Variants in RMDN2 observed in about 807,000 individuals in gnomAD.
RMDN2 encodes regulator of microtubule dynamics protein 2.
A neutral mutation model predicts 52.8 loss-of-function variants in RMDN2; 61 were observed. The ratio of observed to expected loss-of-function variants is 1.16; its 90% CI spans 0.94 to 1.43. The LOEUF (loss-of-function observed/expected upper bound fraction) is 1.43. Among genes scored for constraint, RMDN2 ranks in the 40% most tolerant of loss-of-function variants. The pLI is 0.00. For synonymous variants in RMDN2, 180 were observed against 153.1 expected (o/e 1.18, Z -1.30); for missense variants, 592 against 475.3 (o/e 1.25, Z -2.28).
chr2:38,053,034 G>A (rs1681691361), intron 10 of RMDN2, among the ~76,000 whole-genome samples: 1 of 152,148 alleles, frequency 6.6e-6, no homozygotes, highest in African/African-American at 2.4e-5. Flanking sequence ...ATAGTTCAAG[G>A]TAGCAGGTTT....
chr2:37,963,436 C>T (rs1233284320), intron 2 of RMDN2, among the ~76,000 whole-genome samples: 1 of 150,980 alleles, frequency 6.6e-6, no homozygotes, highest in Non-Finnish European at 1.5e-5. Flanking sequence ...ACAAAGGTCT[C>T]TGGGTTTCCT....
chr2:38,007,562 C>A (rs1460486126), intron 10 of RMDN2, among the ~76,000 whole-genome samples: 1 of 152,142 alleles, frequency 6.6e-6, no homozygotes, highest in African/African-American at 2.4e-5. Context: ...TCCCCTTTAT[C>A]ATTTTTTATT....
chr2:37,958,113 G>A (rs1022350303), intron 2 of RMDN2, among the ~76,000 whole-genome samples: 1 of 152,178 alleles, frequency 6.6e-6, no homozygotes, highest in Non-Finnish European at 1.5e-5. Flanking sequence ...GTTTAGGATT[G>A]TCTTGACTAT....
intron 2 of RMDN2, among the ~76,000 whole-genome samples, chr2:37,942,549 A>G (rs1572722040): frequency 6.6e-6 from 1 of 152,340 alleles, no homozygotes; most frequent in African/African-American, 2.4e-5. Context: ...TGAGCAGTAT[A>G]TGAGAATTCT....
In RMDN2 at chr2:37,964,059, G is replaced by A. The variant is rs576027155; in HGVS notation, c.453-9981G>A. ...GCTGCCCCCCACCTCCCTCCCGGAC[G>A]TGGCGGCTGCCGGGCGGAGGCGCTC... On this transcript the variant is annotated intron_variant, in intron 2 of 10. Coordinates refer to ENST00000354545, the MANE Select transcript of RMDN2 (RefSeq NM_001170791.3). Among the ~76,000 whole-genome samples the A allele has an allele frequency of 5.2e-3, 790 of 151,836 alleles. 1 individual carries two copies. The highest frequency in any genetic ancestry group is 6.9e-3 in the Non-Finnish European group (465 of 67,848).
intron 10 of RMDN2, among the ~76,000 whole-genome samples, chr2:38,008,475 T>G (rs1173024433): frequency 2.6e-5 from 4 of 152,240 alleles, no homozygotes; most frequent in Non-Finnish European, 5.9e-5. Context: ...CTTCTTTGTC[T>G]CTTTTGATCT....
intron 2 of RMDN2, among the ~76,000 whole-genome samples, chr2:37,959,302 G>A (rs978942296): frequency 6.6e-6 from 1 of 150,830 alleles, no homozygotes; most frequent in East Asian, 1.9e-4. Flanking sequence ...ATGGTTGGTA[G>A]GCTATTAATT....
intron 10 of RMDN2, among the ~76,000 whole-genome samples, chr2:38,027,554 C>G (rs568540091): frequency 2.0e-5 from 3 of 152,094 alleles, no homozygotes; most frequent in Non-Finnish European, 4.4e-5. Flanking sequence ...GTTTCAAATG[C>G]TTCCACTCGA....
At chr2:38,060,114 TTTTA>T (rs1558595405) in intron 10 of RMDN2, among the ~76,000 whole-genome samples, 96 of 135,006 alleles carry the variant, frequency 7.1e-4, no homozygotes, top group Non-Finnish European at 8.3e-4. Context: ...TTTTATTTTA[TTTTA>T]TTTTTTTTAG....
chr2:37,968,215 C>G (rs1252056426), intron 2 of RMDN2, among the ~76,000 whole-genome samples: 1 of 151,836 alleles, frequency 6.6e-6, no homozygotes, highest in Non-Finnish European at 1.5e-5. Context: ...ACGAGGTGGG[C>G]AGATCACTTG....
At chr2:37,942,951 G>A (rs991503619) in intron 2 of RMDN2, among the ~76,000 whole-genome samples, 34 of 152,284 alleles carry the variant, frequency 2.2e-4, no homozygotes, top group Admixed American at 2.0e-3. Flanking sequence ...CAAGAAAAAA[G>A]CAATAAGTGC....
At chr2:37,945,074 A>G (rs1668113958) in intron 2 of RMDN2, among the ~76,000 whole-genome samples, 1 of 152,238 alleles carries the variant, frequency 6.6e-6, no homozygotes, top group South Asian at 2.1e-4. Context: ...TATTAAGCTC[A>G]AGATAGTATC....
intron 5 of RMDN2, among the ~76,000 whole-genome samples, chr2:37,986,081 A>G (rs1162853071): frequency 6.6e-6 from 1 of 152,174 alleles, no homozygotes; most frequent in Admixed American, 6.5e-5. Flanking sequence ...TTAAATAGAA[A>G]GTGGCCTAAA....
chr2:38,063,551 T>C (rs1446755083), intron 10 of RMDN2, among the ~76,000 whole-genome samples: 2 of 152,000 alleles, frequency 1.3e-5, no homozygotes, highest in African/African-American at 4.8e-5. Flanking sequence ...AATTGACAAA[T>C]GGGATCTAAT....
At chr2:38,046,706 C>T (rs1412694388) in intron 10 of RMDN2, among the ~76,000 whole-genome samples, 1 of 151,836 alleles carries the variant, frequency 6.6e-6, no homozygotes, top group Non-Finnish European at 1.5e-5. Flanking sequence ...GAATCCAGGC[C>T]CGGTGCGGTG....
chr2:37,944,034 T>C (rs1668016450), intron 2 of RMDN2, among the ~76,000 whole-genome samples: 1 of 152,204 alleles, frequency 6.6e-6, no homozygotes, highest in African/African-American at 2.4e-5. Context: ...AGATTTAGGC[T>C]TGTCATTTTG....
chr2:37,949,124 G>A (rs1210397196), intron 2 of RMDN2, among the ~76,000 whole-genome samples: 2 of 152,214 alleles, frequency 1.3e-5, no homozygotes, highest in East Asian at 1.9e-4. Flanking sequence ...TCTCACAAGA[G>A]AGGGAAAATG....
At chr2:38,011,193 AC>A (rs1390870870) in intron 10 of RMDN2, among the ~76,000 whole-genome samples, 3 of 152,216 alleles carry the variant, frequency 2.0e-5, no homozygotes, top group Non-Finnish European at 2.9e-5. Context: ...CAAGGCCATG[AC>A]AAAGATGAAA....
intron 10 of RMDN2, among the ~76,000 whole-genome samples, chr2:38,015,039 A>T (rs1279644027): frequency 6.6e-6 from 1 of 152,246 alleles, no homozygotes; most frequent in Non-Finnish European, 1.5e-5. Flanking sequence ...AATATTTAAG[A>T]CTTGCTTGGA....
Sources: allele counts gnomAD v4.1 joint callset (sites outside exome capture counted in the v4.1 genomes callset), GRCh38; gene constraint gnomAD v4.1.1; transcripts MANE v1.5; gene names NCBI Gene and HGNC (gene_info 2026-07-23, HGNC 2026-07-21).